The following COP1 variants were observed in gnomAD, a reference collection of about 807,000 sequenced individuals.
COP1 encodes the protein E3 ubiquitin-protein ligase COP1.
COP1 carries 24 observed loss-of-function variants against 101.3 expected under a neutral mutation model. That is an observed-to-expected ratio of 0.24 (90% CI 0.17 to 0.33). The LOEUF (loss-of-function observed/expected upper bound fraction) is 0.33. COP1 is among the 10% of genes least tolerant of loss of function. COP1 has a pLI of 1.00. For synonymous variants in COP1, 347 were observed against 341.9 expected (o/e 1.01, Z -0.17); for missense variants, 663 against 906.2 (o/e 0.73, Z 3.45).
intron 6 of COP1, among the ~76,000 whole-genome samples, chr1:176,145,356 G>A (rs1691413530): frequency 6.7e-6 from 1 of 148,584 alleles, no homozygotes; most frequent in South Asian, 2.1e-4. Flanking sequence ...ATCACATACT[G>A]GCAAGAACAC....
intron 3 of COP1, among the ~76,000 whole-genome samples, chr1:176,166,407 G>A (rs1031681223): frequency 5.3e-5 from 8 of 152,164 alleles, no homozygotes; most frequent in Non-Finnish European, 1.2e-4. Context: ...TTACAGGCAT[G>A]AGACACCATG....
intron 1 of COP1, among the ~76,000 whole-genome samples, chr1:176,190,274 C>T (rs981704131): frequency 8.6e-5 from 13 of 151,906 alleles, no homozygotes; most frequent in Admixed American, 5.2e-4. Context: ...ATTTTCTTTG[C>T]GTGTCATGGT....
In COP1 at chr1:176,113,079, G is replaced by T. The variant is rs550472796; in HGVS notation, c.1026+3545C>A. 1.7e-4 allele frequency among the ~76,000 whole-genome samples: 26 copies of T among 152,284 alleles called. No individual in the cohort carries two copies. In the East Asian group the frequency reaches 5.0e-3, roughly 29 times the overall value. On this transcript the variant is annotated intron_variant, in intron 9 of 19. Coordinates refer to ENST00000367669, the MANE Select transcript of COP1 (RefSeq NM_022457.7). Reference sequence around the variant, plus strand: ...TGGATATATAGCCAGCAGTGGGGTTGTTGGAACATATGACAGTTCTATTTT... The same window carrying T: ...TGGATATATAGCCAGCAGTGGGGTTTTTGGAACATATGACAGTTCTATTTT...
chr1:176,064,235 C>T (rs1209385954), intron 11 of COP1, among the ~76,000 whole-genome samples: 1 of 152,028 alleles, frequency 6.6e-6, no homozygotes, highest in Non-Finnish European at 1.5e-5. Context: ...TGAAAACTTA[C>T]AATTCCAAAA....
intron 14 of COP1, among the ~76,000 whole-genome samples, chr1:176,037,595 G>C (rs1669794636): frequency 2.0e-5 from 3 of 151,750 alleles, no homozygotes; most frequent in South Asian, 4.2e-4. Context: ...TAGAAATACA[G>C]AAAAAGAATA....
At chr1:176,075,680 C>T (rs887046421) in intron 11 of COP1, among the ~76,000 whole-genome samples, 1 of 152,114 alleles carries the variant, frequency 6.6e-6, no homozygotes, top group Non-Finnish European at 1.5e-5. Context: ...TTATTCTCGG[C>T]TTACAAGAAG....
intron 11 of COP1, among the ~76,000 whole-genome samples, chr1:176,074,537 T>G (rs892477717): frequency 6.6e-6 from 1 of 152,160 alleles, no homozygotes; most frequent in African/African-American, 2.4e-5. Flanking sequence ...AGAGGTATCT[T>G]AAAAATTTCT....
rs915081469 is a variant in COP1 at position 176,081,096 on chromosome 1, T to G, written c.1277+56A>C. On this transcript the variant is annotated intron_variant, in intron 11 of 19. Coordinates refer to ENST00000367669, the MANE Select transcript of COP1 (RefSeq NM_022457.7). ...ATAATGGTATAAGTGCTTCTCAAAT[T>G]CAATTAGATTCTAGACATTCTTACA... 117 of 1,426,202 alleles carry G rather than the reference T, an allele frequency of 8.2e-5. No individual in the cohort carries two copies. In the Middle Eastern group the frequency reaches 3.5e-3, roughly 43 times the overall value. 88.3% of individuals were successfully genotyped at this position (1,426,202 alleles called of 1,614,324 possible).
At chr1:176,088,546 C>T (rs1680653378) in intron 9 of COP1, among the ~76,000 whole-genome samples, 2 of 152,072 alleles carry the variant, frequency 1.3e-5, no homozygotes, top group Non-Finnish European at 2.9e-5. Context: ...AAGATCTGCG[C>T]TTTTCTTTAT....
intron 18 of COP1, among the ~76,000 whole-genome samples, chr1:175,980,286 C>CTGTCAA (rs370266966): frequency 0.11 from 16,227 of 151,704 alleles, 961 homozygotes; most frequent in Middle Eastern, 0.16. Flanking sequence ...AAATACAATA[C>CTGTCAA]AAGACAGTAT....
In COP1 at chr1:176,174,801, T is replaced by C. The variant is rs145886969; in HGVS notation, c.565+1109A>G. Among the ~76,000 whole-genome samples the C allele has an allele frequency of 2.6e-3, 401 of 152,300 alleles. 3 individuals carry two copies. The highest frequency in any genetic ancestry group is 9.2e-3 in the African/African-American group (382 of 41,568). On this transcript the variant is annotated intron_variant, in intron 3 of 19. Coordinates refer to ENST00000367669, the MANE Select transcript of COP1 (RefSeq NM_022457.7). ...TCTTTAAAATGCAGAATTGACCTTT[T>C]TGATATATAATCCCAAGAGTGCCCT...
chr1:175,994,922 C>T (rs1030645189), intron 15 of COP1, among the ~76,000 whole-genome samples: 3 of 152,178 alleles, frequency 2.0e-5, no homozygotes, highest in Non-Finnish European at 4.4e-5. Flanking sequence ...AACTCTCCAC[C>T]CCAAATCAAT....
intron 9 of COP1, among the ~76,000 whole-genome samples, chr1:176,101,797 G>T (rs139699342): frequency 1.3e-5 from 2 of 152,286 alleles, no homozygotes; most frequent in African/African-American, 4.8e-5. Flanking sequence ...CGAAGCCTCA[G>T]ATGATGGCCC....
chr1:176,057,437 T>C (rs989008664), intron 11 of COP1, among the ~76,000 whole-genome samples: 1 of 152,150 alleles, frequency 6.6e-6, no homozygotes, highest in African/African-American at 2.4e-5. Context: ...CCCCCCTGCC[T>C]GATTCTCCTG....
At chr1:176,168,457 C>G (rs1052629996) in intron 3 of COP1, among the ~76,000 whole-genome samples, 1 of 122,190 alleles carries the variant, frequency 8.2e-6, no homozygotes, top group Non-Finnish European at 1.6e-5. Context: ...AAGAAGGAAG[C>G]GAGGGAGGGA....
chr1:176,197,333 G>A (rs143617220), intron 1 of COP1, among the ~76,000 whole-genome samples: 5 of 152,200 alleles, frequency 3.3e-5, no homozygotes, highest in Admixed American at 6.5e-5. Flanking sequence ...AGGATCCCTT[G>A]GGCCCAGAAG....
chr1:176,035,631 C>T (rs1181954563), intron 14 of COP1, among the ~76,000 whole-genome samples: 1 of 139,980 alleles, frequency 7.1e-6, no homozygotes, highest in Non-Finnish European at 1.5e-5. Context: ...TAAAAACACA[C>T]TTAACACAAA....
At chr1:176,022,778 T>G (rs575981833) in intron 15 of COP1, among the ~76,000 whole-genome samples, 1 of 152,316 alleles carries the variant, frequency 6.6e-6, no homozygotes, top group East Asian at 1.9e-4. Context: ...CAATGTGCCC[T>G]CAGCATCCAT....
intron 11 of COP1, among the ~76,000 whole-genome samples, chr1:176,048,733 C>T (rs1329745050): frequency 6.6e-6 from 1 of 152,186 alleles, no homozygotes; most frequent in Admixed American, 6.5e-5. Flanking sequence ...AGCTAATCAA[C>T]ACCATTCCAA....
Sources: allele counts gnomAD v4.1 joint callset (sites outside exome capture counted in the v4.1 genomes callset), GRCh38; gene constraint gnomAD v4.1.1; transcripts MANE v1.5; gene names NCBI Gene and HGNC (gene_info 2026-07-23, HGNC 2026-07-21).